The following GRIP1 variants were observed in gnomAD, a reference collection of about 807,000 sequenced individuals.
GRIP1 encodes the protein glutamate receptor interacting protein 1, also known as glutamate receptor-interacting protein 1.
GRIP1 carries 45 observed loss-of-function variants against 129.9 expected under a neutral mutation model. The observed-to-expected ratio is 0.35, with a 90% CI of 0.27 to 0.44. The LOEUF is 0.44. Among genes scored for constraint, GRIP1 ranks in the 20% least tolerant of loss-of-function variants. The probability of loss-of-function intolerance (pLI) is 1.00; values close to 1 mark genes in which losing one functional copy is unlikely to be tolerated. For synonymous variants in GRIP1, 530 were observed against 520.8 expected (o/e 1.02, Z -0.24); for missense variants, 1,196 against 1,396.8 (o/e 0.86, Z 2.29).
intron 16 of GRIP1, among the ~76,000 whole-genome samples, chr12:66,398,559 C>T (rs962663575): frequency 6.6e-6 from 1 of 152,026 alleles, no homozygotes; most frequent in African/African-American, 2.4e-5. Context: ...GAAAGGCTTC[C>T]TGGTGGCTTA....
intron 1 of GRIP1, among the ~76,000 whole-genome samples, chr12:66,764,668 G>A (rs1191846682): frequency 6.6e-6 from 1 of 152,098 alleles, no homozygotes; most frequent in African/African-American, 2.4e-5. Context: ...TTATTTGTAA[G>A]GACAAGGGGT....
intron 14 of GRIP1, among the ~76,000 whole-genome samples, chr12:66,425,833 A>G (rs938268612): frequency 6.9e-6 from 1 of 144,968 alleles, no homozygotes; most frequent in Non-Finnish European, 1.5e-5. Flanking sequence ...GGGGTGGGGG[A>G]AGGGGGGAGG....
chr12:66,577,773 G>A (rs796586779), intron 2 of GRIP1, among the ~76,000 whole-genome samples: 14 of 152,200 alleles, frequency 9.2e-5, no homozygotes, highest in African/African-American at 2.9e-4. Context: ...AACATGGCAA[G>A]ATTGTGTACC....
chr12:66,441,022 T>C (rs1049640766), intron 13 of GRIP1, among the ~76,000 whole-genome samples: 1 of 152,194 alleles, frequency 6.6e-6, no homozygotes, highest in Non-Finnish European at 1.5e-5. Flanking sequence ...CAAAATCCAG[T>C]TCCTAAAGCA....
chr12:66,822,705 A>G (rs2039342221), intron 1 of GRIP1, among the ~76,000 whole-genome samples: 1 of 152,192 alleles, frequency 6.6e-6, no homozygotes, highest in African/African-American at 2.4e-5. Flanking sequence ...TTGCAGCAAC[A>G]TGGATACAGC....
intron 1 of GRIP1, among the ~76,000 whole-genome samples, chr12:66,597,544 G>A (rs539732489): frequency 6.6e-6 from 1 of 152,096 alleles, no homozygotes. Context: ...AGGAACGATG[G>A]TTTGGCAAAA....
At chr12:67,049,236 T>C (rs753337183) in intron 1 of GRIP1, among the ~76,000 whole-genome samples, 1 of 152,236 alleles carries the variant, frequency 6.6e-6, no homozygotes, top group Non-Finnish European at 1.5e-5. Context: ...ATATCCTTCA[T>C]GACATTTTTC....
At chr12:67,049,619 TTAA>T (rs1464708245) in intron 1 of GRIP1, among the ~76,000 whole-genome samples, 2 of 151,936 alleles carry the variant, frequency 1.3e-5, no homozygotes, top group Non-Finnish European at 2.9e-5. Flanking sequence ...CAAATGGGGC[TTAA>T]AACCTAGATG....
At chr12:66,473,576 G>A (rs996138156) in intron 7 of GRIP1, among the ~76,000 whole-genome samples, 1 of 152,210 alleles carries the variant, frequency 6.6e-6, no homozygotes, top group Non-Finnish European at 1.5e-5. Flanking sequence ...CCTCTTACAG[G>A]AGAGCTCCAG....
chr12:66,947,272 T>A (rs761356902), intron 1 of GRIP1, among the ~76,000 whole-genome samples: 23 of 152,214 alleles, frequency 1.5e-4, no homozygotes, highest in Non-Finnish European at 4.4e-5. Context: ...TTCCCAGAGA[T>A]TCTACTTCTA....
At chr12:67,020,569 AT>A (rs1326617013) in intron 1 of GRIP1, among the ~76,000 whole-genome samples, 4 of 151,940 alleles carry the variant, frequency 2.6e-5, no homozygotes, top group Non-Finnish European at 1.5e-5. Flanking sequence ...GGTCTGGCAA[AT>A]TTTTTAAAAT....
At chr12:66,997,228 A>G (rs1053943359) in intron 1 of GRIP1, among the ~76,000 whole-genome samples, 1 of 152,226 alleles carries the variant, frequency 6.6e-6, no homozygotes, top group South Asian at 2.1e-4. Flanking sequence ...TGTCATACAT[A>G]GAGCATATGC....
At chr12:66,533,146 G>C (rs1487608901) in intron 4 of GRIP1, among the ~76,000 whole-genome samples, 1 of 152,010 alleles carries the variant, frequency 6.6e-6, no homozygotes, top group African/African-American at 2.4e-5. Context: ...TTCTTTAAGA[G>C]TTAAGTGACC....
At chr12:67,000,105 C>A (rs2135678512) in intron 1 of GRIP1, among the ~76,000 whole-genome samples, 1 of 152,240 alleles carries the variant, frequency 6.6e-6, no homozygotes, top group Admixed American at 6.6e-5. Context: ...TTTATTGTCA[C>A]CTCGAACTAG....
chr12:66,599,671 C>CATTTCA lies in GRIP1; in HGVS notation c.56-2750_56-2745dup, dbSNP rs372613250. 2.2e-3 allele frequency among the ~76,000 whole-genome samples: 337 copies of CATTTCA among 152,262 alleles called. 1 individual carries two copies. The highest frequency in any genetic ancestry group is 7.6e-3 in the African/African-American group (317 of 41,558). ...CTAAAGGACAAGAGTGTCCAGGGTGCATTTCAAACCCTTGAGCGTAAAGTC... is the reference window on the plus strand; with the variant it reads ...CTAAAGGACAAGAGTGTCCAGGGTGCATTTCAATTTCAAACCCTTGAGCGTAAAGTC... On this transcript the variant is annotated intron_variant, in intron 1 of 24. Transcript: ENST00000359742.
intron 1 of GRIP1, among the ~76,000 whole-genome samples, chr12:66,640,984 CT>C (rs774232309): frequency 1.3e-5 from 2 of 151,946 alleles, no homozygotes; most frequent in South Asian, 2.1e-4. Flanking sequence ...GTGCCAATAA[CT>C]TTTTTTTTCC....
chr12:66,638,925 C>A (rs1043571567), intron 1 of GRIP1, among the ~76,000 whole-genome samples: 2 of 152,158 alleles, frequency 1.3e-5, no homozygotes, highest in African/African-American at 4.8e-5. Context: ...TTTACATAAG[C>A]TCCTTGTGTT....
rs1187415539 is a variant in GRIP1, at chr12:66,723,239, TCTTC to T, written c.-420+80810_-420+80813del. Among the ~76,000 whole-genome samples the T allele has an allele frequency of 7.0e-3, 166 of 23,582 alleles. 9 individuals are homozygous for T. Among genetic ancestry groups the T allele is most frequent in the East Asian group, 0.044 (30 of 676 alleles). The allele number at this position is 23,582 out of a possible 152,430, so 15.5% of individuals were successfully genotyped here. ...CTTTCTTTCTTTCTCTCTCTCTCTC[TCTTC>T]CTTCCTTCCTTCCTTCCTTCCTTCC... On this transcript the variant is annotated intron_variant, in intron 1 of 4. Transcript: ENST00000538373.
At chr12:66,764,048 A>G (rs12580348) in intron 1 of GRIP1, among the ~76,000 whole-genome samples, 8,675 of 152,286 alleles carry the variant, frequency 0.057, 411 homozygotes, top group East Asian at 0.18. Flanking sequence ...AAAGCTGTGC[A>G]GCTGTGAACA....
Sources: gnomAD v4.1 joint callset for allele counts (sites outside exome capture counted in the v4.1 genomes callset) on GRCh38, gnomAD v4.1.1 for gene constraint, MANE v1.5 for transcripts, NCBI Gene and HGNC (gene_info 2026-07-23, HGNC 2026-07-21) for gene names.